The following FLT1 variants were observed in gnomAD, a reference collection of about 807,000 sequenced individuals.
FLT1 encodes vascular endothelial growth factor receptor 1.
In FLT1, 49 loss-of-function variants were observed where a neutral mutation model predicts 156.3. The observed-to-expected ratio is 0.31, with a 90% CI of 0.25 to 0.40. FLT1 has a LOEUF of 0.40. Ranked by LOEUF, FLT1 falls within the 10% of genes least tolerant of loss-of-function variation. FLT1 has a pLI of 1.00. For missense variants in FLT1, 1,322 were observed against 1,637.2 expected (o/e 0.81, Z 3.32); for synonymous variants, 594 against 583.8 (o/e 1.02, Z -0.25).
chr13:28,331,480 G>A (rs991241152), intron 18 of FLT1, among the ~76,000 whole-genome samples: 2 of 152,336 alleles, frequency 1.3e-5, no homozygotes, highest in East Asian at 3.9e-4. Context: ...ACCCAGGCTG[G>A]AGTGCAGTGG....
At chr13:28,428,449 C>T (rs1181430180) in intron 8 of FLT1, among the ~76,000 whole-genome samples, 1 of 151,546 alleles carries the variant, frequency 6.6e-6, no homozygotes, top group Non-Finnish European at 1.5e-5. Flanking sequence ...AAGATTTTTC[C>T]TCTGAGGAAG....
At chr13:28,444,333 C>T (rs754748440) in intron 3 of FLT1, among the ~76,000 whole-genome samples, 4 of 152,008 alleles carry the variant, frequency 2.6e-5, no homozygotes, top group African/African-American at 7.3e-5. Flanking sequence ...CTCAACTACT[C>T]GGGAGGCTGA....
At chr13:28,357,937 C>T (rs936050213) in intron 14 of FLT1, among the ~76,000 whole-genome samples, 1 of 145,322 alleles carries the variant, frequency 6.9e-6, no homozygotes, top group African/African-American at 2.6e-5. Context: ...AGCTGTGATC[C>T]CCAGCTTCGG....
At chr13:28,319,754 G>C (rs979171033) in intron 23 of FLT1, among the ~76,000 whole-genome samples, 7 of 152,178 alleles carry the variant, frequency 4.6e-5, no homozygotes, top group Non-Finnish European at 8.8e-5. Context: ...TATATGTTCA[G>C]TAAGCCCCTC....
intron 13 of FLT1, 55 bp from the exon 14 acceptor site, chr13:28,385,086 T>C: frequency 5.2e-6 from 8 of 1,543,156 alleles, no homozygotes; most frequent in Non-Finnish European, 7.2e-6. Context: ...TCTTGTATTG[T>C]CTATGCATAT....
intron 14 of FLT1, among the ~76,000 whole-genome samples, chr13:28,375,231 T>C (rs570667171): frequency 6.6e-6 from 1 of 152,376 alleles, no homozygotes; most frequent in Admixed American, 6.5e-5. Context: ...CTTCTATTGC[T>C]TTCCAATTCA....
intron 14 of FLT1, among the ~76,000 whole-genome samples, chr13:28,361,135 C>T (rs542077492): frequency 4.4e-4 from 67 of 152,046 alleles, no homozygotes; most frequent in African/African-American, 1.3e-3. Flanking sequence ...AAAAATTAGC[C>T]GGGCGTGGTG....
chr13:28,430,240 G>A, intron 7 of FLT1, 73 bp from the exon 8 acceptor site: 1 of 1,025,070 alleles, frequency 9.8e-7, no homozygotes, highest in Non-Finnish European at 1.5e-6. Context: ...GCCTCATTCA[G>A]GGAGGGTGTA....
chr13:28,359,980 G>A (rs141534183), intron 14 of FLT1, among the ~76,000 whole-genome samples: 2,274 of 152,062 alleles, frequency 0.015, 60 homozygotes, highest in African/African-American at 0.052. Context: ...GTGTGGTGGC[G>A]AATGCCTGTA....
At chr13:28,304,117 C>A (rs187997946) in intron 29 of FLT1, among the ~76,000 whole-genome samples, 258 of 152,280 alleles carry the variant, frequency 1.7e-3, no homozygotes, top group Middle Eastern at 6.8e-3. Context: ...TTAGACCGGT[C>A]TGGACTAACG....
intron 6 of FLT1, among the ~76,000 whole-genome samples, chr13:28,432,378 C>T (rs1038214688): frequency 1.3e-5 from 2 of 152,132 alleles, no homozygotes; most frequent in African/African-American, 4.8e-5. Flanking sequence ...AGAGAAAAGT[C>T]AATTGCCACT....
intron 20 of FLT1, among the ~76,000 whole-genome samples, chr13:28,323,734 C>T (rs953461414): frequency 2.6e-5 from 4 of 151,730 alleles, no homozygotes; most frequent in Admixed American, 6.6e-5. Flanking sequence ...CCATGCCACA[C>T]GCCATCTTGT....
chr13:28,357,432 AAGG>A (rs1261529416), intron 15 of FLT1, 119 bp downstream of exon 15: 7 of 977,546 alleles, frequency 7.2e-6, no homozygotes, highest in Non-Finnish European at 1.1e-5. Context: ...GAGAGGGGAG[AAGG>A]AGGTCAGGGA....
intron 3 of FLT1, among the ~76,000 whole-genome samples, chr13:28,448,868 G>C (rs1878764034): frequency 6.6e-6 from 1 of 152,118 alleles, no homozygotes; most frequent in South Asian, 2.1e-4. Flanking sequence ...ATCTCCCAGG[G>C]TAAACTCCTC....
chr13:28,363,535 T>G (rs891208458), intron 14 of FLT1, among the ~76,000 whole-genome samples: 2 of 152,248 alleles, frequency 1.3e-5, no homozygotes, highest in African/African-American at 4.8e-5. Context: ...TTTTGTGTGC[T>G]TAAAAATTCT....
chr13:28,455,739 T>C (rs1283024912), intron 3 of FLT1, among the ~76,000 whole-genome samples: 2 of 152,088 alleles, frequency 1.3e-5, no homozygotes, highest in Non-Finnish European at 2.9e-5. Flanking sequence ...AAGATACAGC[T>C]GAAAAAAGAA....
At chr13:28,414,472 G>A (rs993725602) in intron 10 of FLT1, among the ~76,000 whole-genome samples, 5 of 152,124 alleles carry the variant, frequency 3.3e-5, no homozygotes, top group East Asian at 1.9e-4. Context: ...GCACACATAA[G>A]GGAAATAATT....
intron 3 of FLT1, among the ~76,000 whole-genome samples, chr13:28,457,532 T>A (rs1694112515): frequency 6.6e-6 from 1 of 152,178 alleles, no homozygotes; most frequent in Admixed American, 6.5e-5. Flanking sequence ...CTAGCCAACA[T>A]AATTCAGCAA....
intron 20 of FLT1, among the ~76,000 whole-genome samples, chr13:28,323,516 T>G (rs1871558080): frequency 6.6e-6 from 1 of 152,066 alleles, no homozygotes; most frequent in African/African-American, 2.4e-5. Flanking sequence ...CCGGGCATGG[T>G]GGTGCATGCC....
Sources: allele counts gnomAD v4.1 joint callset (sites outside exome capture counted in the v4.1 genomes callset), GRCh38; gene constraint gnomAD v4.1.1; transcripts MANE v1.5; gene names NCBI Gene and HGNC (gene_info 2026-07-23, HGNC 2026-07-21).